CERS4: variants seen among roughly 807,000 people sequenced by gnomAD.
CERS4 encodes the protein LAG1 homolog, ceramide synthase 4.
In CERS4, 65 loss-of-function variants were observed where a neutral mutation model predicts 51.8. That is an observed-to-expected ratio of 1.26 (90% confidence interval 1.03 to 1.54). The LOEUF is 1.54. Ranked by LOEUF, CERS4 falls within the 40% of genes most tolerant of loss-of-function variation. The pLI is 0.00. For missense variants in CERS4, 563 were observed against 500.4 expected, an observed-to-expected ratio of 1.13 and a Z score of -1.19; for synonymous variants, 228 against 208.4, an observed-to-expected ratio of 1.09 and a Z score of -0.81.
In CERS4 at chr19:8,244,308, A is replaced by G. The variant is rs150121143; in HGVS notation, c.-1-6768A>G. Among the ~76,000 whole-genome samples the G allele has an allele frequency of 4.0e-3, 615 of 152,324 alleles. 5 individuals carry two copies. Among genetic ancestry groups the G allele is most frequent in the Non-Finnish European group, 6.5e-3 (444 of 68,032 alleles). On this transcript the variant is annotated intron_variant, in intron 2 of 11. Transcript: ENST00000251363. ...GAGATCGAGGCTGCAGTGAGCTATG[A>G]TTGCACCGCTGCATTCCAGCCTGGA...
chr19:8,228,371 A>T (rs944510752), intron 2 of CERS4, among the ~76,000 whole-genome samples: 3 of 152,150 alleles, frequency 2.0e-5, no homozygotes, highest in African/African-American at 7.2e-5. Context: ...TACCACAATT[A>T]AAAAAAATTT....
At chr19:8,260,967 A>ACC (rs879901069) in intron 10 of CERS4, 1 of 144,862 alleles carries the variant, frequency 6.9e-6, no homozygotes, top group Admixed American at 7.1e-5. Context: ...AAAAAAAAAA[A>ACC]AAAAAAAAAA....
chr19:8,237,280 C>T (rs1599548983), intron 2 of CERS4, among the ~76,000 whole-genome samples: 1 of 151,056 alleles, frequency 6.6e-6, no homozygotes, highest in African/African-American at 2.4e-5. Context: ...TGCTGGGTGC[C>T]GTGGCTCATG....
chr19:8,231,850 C>CTTTTTTTTTTTTTTTTT (rs1568509577), intron 2 of CERS4, among the ~76,000 whole-genome samples: 2 of 71,256 alleles, frequency 2.8e-5, no homozygotes, highest in African/African-American at 6.0e-5. Flanking sequence ...CTGTGCCCAG[C>CTTTTTTTTTTTTTTTTT]ATTTTTTTTT....
At chr19:8,209,951 G>T (rs1967018809) in intron 1 of CERS4, 1 of 152,486 alleles carries the variant, frequency 6.6e-6, no homozygotes, top group Non-Finnish European at 1.5e-5. Flanking sequence ...CGGCCGGGGT[G>T]AGGTGGAGGT....
chr19:8,245,111 CAAAA>C (rs74179480), intron 2 of CERS4, among the ~76,000 whole-genome samples: 3 of 21,752 alleles, frequency 1.4e-4, no homozygotes, highest in African/African-American at 3.1e-4. Flanking sequence ...GACTCCATCT[CAAAA>C]AAAAAAAAAA....
chr19:8,257,153 T>G, intron 9 of CERS4, 76 bp downstream of exon 9: 2 of 1,449,296 alleles, frequency 1.4e-6, no homozygotes, highest in Non-Finnish European at 1.9e-6. Context: ...TGAGGTCCCA[T>G]TCCTCCCAAC....
At chr19:8,260,348 C>T (rs1969615292) in intron 10 of CERS4, among the ~76,000 whole-genome samples, 1 of 147,340 alleles carries the variant, frequency 6.8e-6, no homozygotes, top group African/African-American at 2.5e-5. Context: ...GCACACACCA[C>T]CACACCTGGC....
chr19:8,240,784 G>A lies in CERS4; in HGVS notation c.-1-10292G>A, dbSNP rs566743227. Among the ~76,000 whole-genome samples the A allele has an allele frequency of 2.6e-4, 39 of 152,268 alleles. No homozygotes were observed. The East Asian group carries it at 6.2e-3, about 24-fold the overall frequency. ...GGGTCCTTGGGGGTTCGGGGAAGCCGTGGGAACCAGTCCTTCTCACTCAGA... is the reference window on the plus strand; with the variant it reads ...GGGTCCTTGGGGGTTCGGGGAAGCCATGGGAACCAGTCCTTCTCACTCAGA... On this transcript the variant is annotated intron_variant, in intron 2 of 11. Transcript: ENST00000251363.
At chr19:8,215,502 G>T (rs1348831884) in intron 2 of CERS4, among the ~76,000 whole-genome samples, 2 of 151,080 alleles carry the variant, frequency 1.3e-5, no homozygotes, top group Non-Finnish European at 3.0e-5. Context: ...CAAAAAACAA[G>T]CAGCGGGTGT....
At chr19:8,231,324 A>AT (rs1347081468) in intron 2 of CERS4, among the ~76,000 whole-genome samples, 4 of 152,200 alleles carry the variant, frequency 2.6e-5, no homozygotes, top group African/African-American at 9.6e-5. Flanking sequence ...AAGAGCAATG[A>AT]TTTTTTAAAA....
At chr19:8,221,877 T>TTTG (rs1967565625) in intron 2 of CERS4, among the ~76,000 whole-genome samples, 1 of 88,942 alleles carries the variant, frequency 1.1e-5, no homozygotes, top group Non-Finnish European at 2.4e-5. Flanking sequence ...TTTATGTTTT[T>TTTG]TTTTTTTTTT....
At chr19:8,245,122 A>ACAAAACAAACAAAAAAAAAC (rs755450125) in intron 2 of CERS4, among the ~76,000 whole-genome samples, 2 of 129,258 alleles carry the variant, frequency 1.5e-5, no homozygotes, top group South Asian at 4.8e-4. Context: ...AAAAAAAAAA[A>ACAAAACAAACAAAAAAAAAC]AAAAAAAAAA....
intron 10 of CERS4, among the ~76,000 whole-genome samples, chr19:8,259,187 G>A (rs2145335890): frequency 6.6e-6 from 1 of 152,276 alleles, no homozygotes; most frequent in South Asian, 2.1e-4. Flanking sequence ...GTGGGTAGTT[G>A]GAATTAGAAT....
chr19:8,223,362 T>C (rs1280510857), intron 2 of CERS4, among the ~76,000 whole-genome samples: 2 of 151,500 alleles, frequency 1.3e-5, no homozygotes, highest in Non-Finnish European at 2.9e-5. Context: ...ATGCCTGTAA[T>C]CCCAGCACTT....
chr19:8,240,412 C>G (rs150382693), intron 2 of CERS4: 1 of 152,098 alleles, frequency 6.6e-6, no homozygotes, highest in Admixed American at 6.6e-5. Context: ...GAGACAGGTC[C>G]GTCTGGAAGG....
At chr19:8,216,654 C>T (rs905308146) in intron 2 of CERS4, among the ~76,000 whole-genome samples, 2 of 152,118 alleles carry the variant, frequency 1.3e-5, no homozygotes, top group Non-Finnish European at 2.9e-5. Context: ...CCCTCATCTC[C>T]ACCATGTCCA....
intron 10 of CERS4, among the ~76,000 whole-genome samples, chr19:8,260,288 G>C (rs543025299): frequency 6.8e-6 from 1 of 146,902 alleles, no homozygotes. Flanking sequence ...TCCGCCTCCC[G>C]GGTTCAAGCA....
intron 2 of CERS4, among the ~76,000 whole-genome samples, chr19:8,237,953 A>G (rs192544460): frequency 3.9e-5 from 6 of 152,214 alleles, no homozygotes; most frequent in Non-Finnish European, 5.9e-5. Flanking sequence ...TTATTTTTTT[A>G]CCATTAATAG....
Sources: allele counts gnomAD v4.1 joint callset (sites outside exome capture counted in the v4.1 genomes callset), GRCh38; gene constraint gnomAD v4.1.1; transcripts MANE v1.5; gene names NCBI Gene and HGNC (gene_info 2026-07-23, HGNC 2026-07-21).